RIT2: variants seen among roughly 807,000 people sequenced by gnomAD.
RIT2 encodes the protein GTP-binding protein Rit2.
RIT2 carries 24 observed loss-of-function variants against 23.7 expected under a neutral mutation model. That is an observed-to-expected ratio of 1.01 (90% CI 0.73 to 1.43). The LOEUF (loss-of-function observed/expected upper bound fraction) is 1.43, where lower values mean the gene tolerates loss of function less well. RIT2 is among the 40% of genes most tolerant of loss of function. The pLI, the probability that RIT2 is intolerant of heterozygous loss-of-function variation, is 0.00. For synonymous variants in RIT2, 107 were observed against 91.1 expected (o/e 1.17, Z -0.99); for missense variants, 236 against 266.9 (o/e 0.88, Z 0.81).
At chr18:42,752,535 T>A (rs962726786) in intron 4 of RIT2, among the ~76,000 whole-genome samples, 2 of 152,172 alleles carry the variant, frequency 1.3e-5, no homozygotes, top group Non-Finnish European at 1.5e-5. Flanking sequence ...CAAGTTCTAC[T>A]ATCTTCCATT....
intron 3 of RIT2, among the ~76,000 whole-genome samples, chr18:42,971,960 T>C (rs189357992): frequency 6.6e-6 from 1 of 152,144 alleles, no homozygotes; most frequent in Admixed American, 6.6e-5. Context: ...GGGGACCAGG[T>C]AAGTCCATGT....
At chr18:42,947,992 G>T (rs1909766163) in intron 3 of RIT2, among the ~76,000 whole-genome samples, 1 of 151,980 alleles carries the variant, frequency 6.6e-6, no homozygotes, top group Non-Finnish European at 1.5e-5. Flanking sequence ...TATCTATATG[G>T]ATTAGATGGA....
At chr18:43,075,612 A>AT (rs914916496) in intron 1 of RIT2, among the ~76,000 whole-genome samples, 54 of 152,228 alleles carry the variant, frequency 3.5e-4, no homozygotes, top group African/African-American at 1.1e-3. Flanking sequence ...AGTTCCTGTG[A>AT]TTTTTTCTTA....
Position 43,105,828 on chromosome 18 carries a change from G to A in RIT2, c.103+9589C>T, listed in dbSNP as rs142758711. Among the ~76,000 whole-genome samples the A allele has an allele frequency of 2.9e-3, 440 of 152,270 alleles. 1 individual carries two copies. The highest frequency in any genetic ancestry group is 0.01 in the African/African-American group (417 of 41,554). On this transcript the variant is annotated intron_variant, in intron 1 of 4. Transcript: ENST00000326695. ...TTATTGTCATCCCCATTTTACAGAT[G>A]AGAAAAGACAAATATGGATTTCCTG...
At chr18:42,883,824 G>A (rs1336157990) in intron 4 of RIT2, among the ~76,000 whole-genome samples, 3 of 152,074 alleles carry the variant, frequency 2.0e-5, no homozygotes, top group Non-Finnish European at 4.4e-5. Flanking sequence ...AAGATGATGA[G>A]TCTAACTATT....
intron 3 of RIT2, among the ~76,000 whole-genome samples, chr18:42,948,410 G>T (rs1909775900): frequency 6.6e-6 from 1 of 152,162 alleles, no homozygotes; most frequent in Non-Finnish European, 1.5e-5. Context: ...AGGAGTTTAT[G>T]ATTCAGGGTA....
intron 4 of RIT2, among the ~76,000 whole-genome samples, chr18:42,889,994 A>G (rs940541952): frequency 6.6e-6 from 1 of 152,030 alleles, no homozygotes; most frequent in Non-Finnish European, 1.5e-5. Flanking sequence ...ATCTCCTCCA[A>G]ATGTTCAGCC....
At chr18:43,039,617 G>A (rs1488465956) in intron 1 of RIT2, among the ~76,000 whole-genome samples, 1 of 151,934 alleles carries the variant, frequency 6.6e-6, no homozygotes, top group African/African-American at 2.4e-5. Context: ...CAAAATGCTG[G>A]GATTACAGGC....
At chr18:42,869,883 A>T (rs1907577206) in intron 4 of RIT2, among the ~76,000 whole-genome samples, 1 of 152,174 alleles carries the variant, frequency 6.6e-6, no homozygotes, top group African/African-American at 2.4e-5. Context: ...GACCTTAATA[A>T]AGGTATAGTC....
chr18:43,057,478 T>C (rs1255363631), intron 1 of RIT2, among the ~76,000 whole-genome samples: 1 of 152,152 alleles, frequency 6.6e-6, no homozygotes, highest in Non-Finnish European at 1.5e-5. Flanking sequence ...CAAGCTTCTA[T>C]TAAAGTTAGA....
intron 2 of RIT2, among the ~76,000 whole-genome samples, chr18:43,007,055 G>T (rs1370512752): frequency 1.3e-5 from 2 of 151,466 alleles, no homozygotes; most frequent in African/African-American, 4.8e-5. Context: ...ATAAGCCAAA[G>T]ATTTTATATC....
intron 4 of RIT2, among the ~76,000 whole-genome samples, chr18:42,911,474 G>C (rs1908768036): frequency 6.6e-6 from 1 of 151,880 alleles, no homozygotes; most frequent in African/African-American, 2.4e-5. Context: ...AATCAGAAAT[G>C]CAATAGAAGA....
chr18:43,016,306 G>A (rs117096853), intron 2 of RIT2, among the ~76,000 whole-genome samples: 2,434 of 151,856 alleles, frequency 0.016, 26 homozygotes, highest in South Asian at 0.027. Flanking sequence ...CATTGGTGTG[G>A]TGCTTGATAG....
At chr18:43,042,305 T>G (rs1004962317) in intron 1 of RIT2, among the ~76,000 whole-genome samples, 1 of 152,238 alleles carries the variant, frequency 6.6e-6, no homozygotes, top group Non-Finnish European at 1.5e-5. Flanking sequence ...TACCTCTTTC[T>G]TCATTTAATT....
At chr18:43,115,122 T>C (rs952749499) in intron 1 of RIT2, among the ~76,000 whole-genome samples, 1 of 152,154 alleles carries the variant, frequency 6.6e-6, no homozygotes, top group African/African-American at 2.4e-5. Context: ...TTCATACTTA[T>C]TTTTATTATT....
At chr18:43,003,740 A>AT (rs1568052891) in intron 2 of RIT2, among the ~76,000 whole-genome samples, 2 of 144,352 alleles carry the variant, frequency 1.4e-5, no homozygotes, top group African/African-American at 5.2e-5. Context: ...CTCTATCATT[A>AT]CTTTTTTTTT....
chr18:42,747,132 T>C (rs1354990292), intron 4 of RIT2, among the ~76,000 whole-genome samples: 1 of 152,006 alleles, frequency 6.6e-6, no homozygotes, highest in Non-Finnish European at 1.5e-5. Context: ...CCTGATGATA[T>C]AATTGTATAC....
chr18:43,110,045 C>T (rs1913917909), intron 1 of RIT2, among the ~76,000 whole-genome samples: 1 of 152,032 alleles, frequency 6.6e-6, no homozygotes, highest in Admixed American at 6.6e-5. Context: ...GCTTAGATAC[C>T]TCTCCTACTT....
chr18:42,924,687 C>T (rs1243860758), intron 3 of RIT2, among the ~76,000 whole-genome samples: 1 of 151,884 alleles, frequency 6.6e-6, no homozygotes, highest in Non-Finnish European at 1.5e-5. Context: ...TATAAGTAAT[C>T]AAAGCAATAA....
Sources: gnomAD v4.1 joint callset for allele counts (sites outside exome capture counted in the v4.1 genomes callset) on GRCh38, gnomAD v4.1.1 for gene constraint, MANE v1.5 for transcripts, NCBI Gene and HGNC (gene_info 2026-07-23, HGNC 2026-07-21) for gene names.